TNR: variants seen among roughly 807,000 people sequenced by gnomAD.
The protein encoded by TNR is tenascin-R.
Under a neutral mutation model 150.4 loss-of-function variants are expected in TNR, and 45 were observed. The observed-to-expected ratio is 0.30, with a 90% CI of 0.24 to 0.38. The LOEUF (loss-of-function observed/expected upper bound fraction) is 0.38, where lower values mean the gene tolerates loss of function less well. Ranked by LOEUF, TNR falls within the 10% of genes least tolerant of loss-of-function variation. The pLI, the probability that TNR is intolerant of heterozygous loss-of-function variation, is 1.00. For missense variants in TNR, 1,544 were observed against 1,759.1 expected, an observed-to-expected ratio of 0.88 and a Z score of 2.19; for synonymous variants, 687 against 678.4, an observed-to-expected ratio of 1.01 and a Z score of -0.20.
At chr1:175,410,228 G>A (rs1452128695) in intron 2 of TNR, among the ~76,000 whole-genome samples, 3 of 152,176 alleles carry the variant, frequency 2.0e-5, no homozygotes, top group Non-Finnish European at 4.4e-5. Context: ...GGAGCCCTGT[G>A]GGGAGATAAG....
At chr1:175,502,168 G>A (rs949522874) in intron 2 of TNR, among the ~76,000 whole-genome samples, 2 of 152,172 alleles carry the variant, frequency 1.3e-5, no homozygotes, top group African/African-American at 2.4e-5. Context: ...CAGGATGTCT[G>A]GGGTGGGAGT....
intron 1 of TNR, among the ~76,000 whole-genome samples, chr1:175,688,676 C>A (rs1325625456): frequency 6.6e-6 from 1 of 152,204 alleles, no homozygotes; most frequent in Admixed American, 6.5e-5. Flanking sequence ...ATCCCTAAAG[C>A]TGGCTGGATT....
intron 1 of TNR, among the ~76,000 whole-genome samples, chr1:175,682,677 G>A (rs77783820): frequency 0.041 from 6,176 of 152,132 alleles, 392 homozygotes; most frequent in African/African-American, 0.13. Context: ...GCCCTGAGAC[G>A]GATGTCAGTT....
chr1:175,732,213 C>T (rs1005120132), intron 1 of TNR, among the ~76,000 whole-genome samples: 3 of 152,178 alleles, frequency 2.0e-5, no homozygotes, highest in African/African-American at 7.2e-5. Context: ...CCCAGCTGGA[C>T]CATCATTTCA....
At chr1:175,720,946 A>G (rs562612289) in intron 1 of TNR, among the ~76,000 whole-genome samples, 28 of 152,332 alleles carry the variant, frequency 1.8e-4, no homozygotes, top group African/African-American at 6.3e-4. Flanking sequence ...CGCCACACTG[A>G]GAAGGGCTTA....
chr1:175,677,301 T>G (rs1428818084), intron 1 of TNR, among the ~76,000 whole-genome samples: 1 of 152,190 alleles, frequency 6.6e-6, no homozygotes, highest in Non-Finnish European at 1.5e-5. Flanking sequence ...TACCTCCCCT[T>G]TGGCCTCTAA....
intron 1 of TNR, among the ~76,000 whole-genome samples, chr1:175,555,493 G>T (rs1402061966): frequency 1.4e-5 from 2 of 144,204 alleles, no homozygotes; most frequent in African/African-American, 5.3e-5. Context: ...GCACATTAGT[G>T]CTGACTCACC....
At chr1:175,359,495 C>G (rs896801380) in intron 15 of TNR, 117 bp downstream of exon 15, 8 of 1,541,596 alleles carry the variant, frequency 5.2e-6, no homozygotes, top group East Asian at 4.5e-5. Flanking sequence ...GAAGTAGGAA[C>G]TTTTCTAATC....
intron 2 of TNR, among the ~76,000 whole-genome samples, chr1:175,483,927 T>C (rs1253998393): frequency 6.6e-6 from 1 of 152,194 alleles, no homozygotes; most frequent in Non-Finnish European, 1.5e-5. Context: ...GGGACTCTTC[T>C]GCAAGATTTC....
At chr1:175,511,875 C>G (rs902957558) in intron 2 of TNR, among the ~76,000 whole-genome samples, 1 of 152,180 alleles carries the variant, frequency 6.6e-6, no homozygotes, top group Middle Eastern at 3.2e-3. Flanking sequence ...TCCTGGTACA[C>G]AATGACTTCT....
chr1:175,525,796 T>C (rs939619754), intron 2 of TNR, among the ~76,000 whole-genome samples: 1 of 152,198 alleles, frequency 6.6e-6, no homozygotes. Context: ...TGTTAAGCAT[T>C]TCACAAAGAA....
At chr1:175,630,294 T>C (rs1245127818) in intron 1 of TNR, among the ~76,000 whole-genome samples, 1 of 152,250 alleles carries the variant, frequency 6.6e-6, no homozygotes, top group Non-Finnish European at 1.5e-5. Context: ...ACTCTTGTCT[T>C]ATCCCTAGAA....
intron 1 of TNR, among the ~76,000 whole-genome samples, chr1:175,560,994 T>A (rs80095610): frequency 0.01 from 1,554 of 152,298 alleles, 25 homozygotes; most frequent in African/African-American, 0.035. Context: ...TCTCTTCTCA[T>A]CTTTAACGTT....
At chr1:175,649,539 C>CGCACAGAGCCCG (rs796092532) in intron 1 of TNR, among the ~76,000 whole-genome samples, 1 of 152,066 alleles carries the variant, frequency 6.6e-6, no homozygotes, top group Non-Finnish European at 1.5e-5. Context: ...GCACAGTACT[C>CGCACAGAGCCCG]GCACAGAGCC....
At chr1:175,568,348 T>A (rs1010849148) in intron 1 of TNR, among the ~76,000 whole-genome samples, 1 of 152,136 alleles carries the variant, frequency 6.6e-6, no homozygotes, top group African/African-American at 2.4e-5. Flanking sequence ...AGTTTCTACC[T>A]GTTTCATGTA....
chr1:175,549,776 T>C (rs1293949115), intron 1 of TNR, among the ~76,000 whole-genome samples: 1 of 152,104 alleles, frequency 6.6e-6, no homozygotes, highest in Non-Finnish European at 1.5e-5. Context: ...GCCCTACAAC[T>C]ACAAGGAAAT....
At chr1:175,363,626 G>A in intron 13 of TNR, 82 bp downstream of exon 13, 1 of 1,519,018 alleles carries the variant, frequency 6.6e-7, no homozygotes, top group Non-Finnish European at 8.9e-7. Flanking sequence ...AGGCAGGAGT[G>A]GATGTTCTGC....
rs186788919 is a variant in TNR at position 175,737,852 on chromosome 1, C to T, written c.-165+5374G>A. Among the ~76,000 whole-genome samples, 9 of 152,266 alleles carry T rather than the reference C, an allele frequency of 5.9e-5. No individual in the cohort carries two copies. In the East Asian group the frequency reaches 1.7e-3, roughly 29 times the overall value. The stretch of plus-strand genomic sequence containing the variant: ...CAATAAACTAATGGGTCTGTTGGCT[C>T]ATTTGTCCCTGACCCCAGAACTCCT... On this transcript the variant is annotated intron_variant, in intron 1 of 22. Transcript: ENST00000367674.
chr1:175,562,590 C>A (rs1661473770), intron 1 of TNR, among the ~76,000 whole-genome samples: 1 of 152,164 alleles, frequency 6.6e-6, no homozygotes, highest in Admixed American at 6.5e-5. Flanking sequence ...CACACCATAC[C>A]CAAGGAATTC....
Sources: gnomAD v4.1 joint callset for allele counts (sites outside exome capture counted in the v4.1 genomes callset) on GRCh38, gnomAD v4.1.1 for gene constraint, MANE v1.5 for transcripts, NCBI Gene and HGNC (gene_info 2026-07-23, HGNC 2026-07-21) for gene names.